The following IRAK1BP1 variants were observed in gnomAD, a reference collection of about 807,000 sequenced individuals.
IRAK1BP1 encodes interleukin-1 receptor-associated kinase 1-binding protein 1.
In IRAK1BP1, 24 loss-of-function variants were observed where a neutral mutation model predicts 28.0. The observed-to-expected ratio is 0.86, with a 90% CI of 0.62 to 1.20. The LOEUF (loss-of-function observed/expected upper bound fraction) is 1.20, where lower values mean the gene tolerates loss of function less well. Among genes scored for constraint, IRAK1BP1 ranks in the 50% most tolerant of loss-of-function variants. The probability of loss-of-function intolerance (pLI) is 0.00; values close to 1 mark genes in which losing one functional copy is unlikely to be tolerated. For missense variants in IRAK1BP1, 336 were observed against 316.7 expected, an observed-to-expected ratio of 1.06 and a Z score of -0.46; for synonymous variants, 131 against 116.3, an observed-to-expected ratio of 1.13 and a Z score of -0.81.
chr6:78,880,189 G>A (rs945900705), intron 1 of IRAK1BP1, among the ~76,000 whole-genome samples: 2 of 152,164 alleles, frequency 1.3e-5, no homozygotes, highest in African/African-American at 4.8e-5. Context: ...CAGAGGTTGA[G>A]TATCCCTTAT....
chr6:78,883,314 A>T (rs940846457), intron 1 of IRAK1BP1, among the ~76,000 whole-genome samples: 2 of 152,070 alleles, frequency 1.3e-5, no homozygotes, highest in Admixed American at 1.3e-4. Context: ...AAAAGTCTGT[A>T]TATAGATCTA....
the IRAK1BP1 span, chr6:78,970,661 T>C: frequency 1.5e-6 from 1 of 657,448 alleles, no homozygotes; most frequent in Non-Finnish European, 2.6e-6. Context: ...ACTGCTTCAA[T>C]TAAACAAGGT....
intron 4 of IRAK1BP1, among the ~76,000 whole-genome samples, chr6:78,919,710 A>C (rs1459159826): frequency 6.6e-6 from 1 of 152,194 alleles, no homozygotes; most frequent in Non-Finnish European, 1.5e-5. Context: ...GAAAATTACC[A>C]ATCAAAGAAC....
the IRAK1BP1 span, chr6:78,970,160 A>G: frequency 5.0e-6 from 8 of 1,611,756 alleles, no homozygotes; most frequent in Admixed American, 1.7e-5. Flanking sequence ...AACTATTTTC[A>G]TAAGTTCTTG....
chr6:78,913,049 G>T (rs890533200), intron 4 of IRAK1BP1, among the ~76,000 whole-genome samples: 4 of 152,102 alleles, frequency 2.6e-5, no homozygotes, highest in Non-Finnish European at 4.4e-5. Context: ...AAAAGTATAA[G>T]TCATGGCCGG....
the IRAK1BP1 span, chr6:78,958,718 T>A: frequency 1.5e-6 from 1 of 682,546 alleles, no homozygotes; most frequent in African/African-American, 1.8e-5. Context: ...GTAAAAACCA[T>A]TGGTCTTATA....
intron 1 of IRAK1BP1, chr6:78,872,187 C>G: frequency 1.5e-6 from 1 of 689,092 alleles, no homozygotes; most frequent in South Asian, 1.6e-5. Flanking sequence ...TAAATTTGAG[C>G]TGACCACAGC....
chr6:78,947,827 C>T (rs1773910609), downstream of IRAK1BP1: 5 of 1,292,434 alleles, frequency 3.9e-6, no homozygotes, highest in African/African-American at 1.5e-5. Context: ...CAAAGCATCA[C>T]TTCTCAGTGC....
the IRAK1BP1 span, among the ~76,000 whole-genome samples, chr6:78,951,925 T>C: frequency 0.012 from 1,774 of 152,282 alleles, 44 homozygotes; most frequent in African/African-American, 0.041. Context: ...AATCTTAGAG[T>C]GATGAGTATC....
At chr6:78,972,022 C>T in the IRAK1BP1 span, among the ~76,000 whole-genome samples, 2 of 152,058 alleles carry the variant, frequency 1.3e-5, no homozygotes, top group Non-Finnish European at 2.9e-5. Context: ...GGGTGGAGCC[C>T]ACCACAGCTC....
At chr6:78,910,512 TAC>T (rs1323759374) in intron 4 of IRAK1BP1, among the ~76,000 whole-genome samples, 2 of 152,262 alleles carry the variant, frequency 1.3e-5, no homozygotes, top group Non-Finnish European at 2.9e-5. Context: ...AAACAATAGT[TAC>T]TGTTTGACGA....
At chr6:78,936,489 C>T (rs1471599966) in intron 4 of IRAK1BP1, 1 of 151,726 alleles carries the variant, frequency 6.6e-6, no homozygotes, top group Non-Finnish European at 1.5e-5. Context: ...TGTGCATCTG[C>T]CTTATATGCA....
rs183284653 is a variant in IRAK1BP1 at position 78,874,159 on chromosome 6, A to T, written c.315+6268A>T. On this transcript the variant is annotated intron_variant, in intron 1 of 3. Coordinates refer to ENST00000369940, the MANE Select transcript of IRAK1BP1 (RefSeq NM_001010844.4). The stretch of plus-strand genomic sequence containing the variant: ...TGTTTCCTGCAACCATATTTATTTT[A>T]AAAAATCCTACAGTTCACTCTAAAT... 1.2e-3 allele frequency among the ~76,000 whole-genome samples: 176 copies of T among 152,346 alleles called. 1 individual carries two copies. The highest frequency in any genetic ancestry group is 4.1e-3 in the African/African-American group (169 of 41,588).
At chr6:78,970,175 T>C in the IRAK1BP1 span, 1 of 1,610,018 alleles carries the variant, frequency 6.2e-7, no homozygotes, top group Non-Finnish European at 8.5e-7. Context: ...TTCTTGTTCC[T>C]GAGAGAGACA....
Position 78,924,600 on chromosome 6 carries a change from C to A in IRAK1BP1, c.*68-20808C>A, listed in dbSNP as rs113656374. 7.1e-3 allele frequency among the ~76,000 whole-genome samples: 1,085 copies of A among 152,216 alleles called. 16 individuals are homozygous for A. The highest frequency in any genetic ancestry group is 0.025 in the African/African-American group (1,020 of 41,542). ...GCATCATCCTGATACCAAAGCCTGGCAGAGACACAACAAAAAAGAGAGGAT... is the reference window on the plus strand; with the variant it reads ...GCATCATCCTGATACCAAAGCCTGGAAGAGACACAACAAAAAAGAGAGGAT... On this transcript the variant is annotated intron_variant and NMD_transcript_variant, in intron 4 of 4. Coordinates refer to the IRAK1BP1 transcript ENST00000606868.
chr6:78,963,413 C>G, the IRAK1BP1 span, among the ~76,000 whole-genome samples: 5 of 152,078 alleles, frequency 3.3e-5, no homozygotes, highest in Non-Finnish European at 7.4e-5. Context: ...TTAAGGGTCA[C>G]TAAAATTTAA....
downstream of IRAK1BP1, among the ~76,000 whole-genome samples, chr6:78,948,606 C>T (rs551600775): frequency 2.1e-4 from 32 of 152,188 alleles, no homozygotes; most frequent in African/African-American, 7.7e-4. Flanking sequence ...GCAACCTTCC[C>T]ACCTCAGCCT....
downstream of IRAK1BP1, among the ~76,000 whole-genome samples, chr6:78,948,884 A>G (rs1338377972): frequency 6.6e-6 from 1 of 152,218 alleles, no homozygotes; most frequent in Non-Finnish European, 1.5e-5. Context: ...TTATGATCAA[A>G]TACGTCTGAC....
chr6:78,946,643 A>G, downstream of IRAK1BP1: 1 of 1,473,460 alleles, frequency 6.8e-7, no homozygotes, highest in Non-Finnish European at 8.9e-7. Context: ...AGTATTAAAA[A>G]ACACCAAGTT....
Sources: gnomAD v4.1 joint callset for allele counts (sites outside exome capture counted in the v4.1 genomes callset) on GRCh38, gnomAD v4.1.1 for gene constraint, MANE v1.5 for transcripts, NCBI Gene and HGNC (gene_info 2026-07-23, HGNC 2026-07-21) for gene names.